CYB561: variants seen among roughly 807,000 people sequenced by gnomAD.
The protein encoded by CYB561 is transmembrane ascorbate-dependent reductase CYB561.
In CYB561, 11 loss-of-function variants were observed where a neutral mutation model predicts 25.3. That is an observed-to-expected ratio of 0.44 (90% CI 0.27 to 0.72). The LOEUF is 0.72. Among genes scored for constraint, CYB561 ranks in the 30% least tolerant of loss-of-function variants. The pLI is 0.18. For synonymous variants in CYB561, 165 were observed against 158.8 expected, an observed-to-expected ratio of 1.04 and a Z score of -0.29; for missense variants, 295 against 334.9, an observed-to-expected ratio of 0.88 and a Z score of 0.93.
At position 63,434,213 on chromosome 17, in the gene CYB561, T is replaced by C. The variant is rs147064886; in HGVS notation, c.*189A>G. On this transcript the variant is annotated 3_prime_UTR_variant, in exon 6 of 6. Transcript: ENST00000360793. ...GAGCCACACACAATGAACTGGTCTA[T>C]AGCAGCGGAGAAAGGAGAAGCAGAG... is the stretch of plus-strand genomic sequence containing the variant. 6.0e-5 allele frequency: 36 copies of C among 598,482 alleles called. No homozygotes were observed. The East Asian group carries it at 9.4e-4, about 16-fold the overall frequency. 37.1% of individuals were successfully genotyped at this position (598,482 alleles called of 1,614,324 possible).
chr17:63,438,512 C>T (rs749064720), intron 1 of CYB561, among the ~76,000 whole-genome samples: 5 of 142,878 alleles, frequency 3.5e-5, no homozygotes, highest in Non-Finnish European at 7.6e-5. Context: ...AGTAGAAGTG[C>T]CCCGACCATG....
chr17:63,434,743 C>T, intron 5 of CYB561, 149 bp from the exon 6 acceptor site: 1 of 682,288 alleles, frequency 1.5e-6, no homozygotes, highest in Non-Finnish European at 2.4e-6. Flanking sequence ...CATCCCCCCG[C>T]CCCCAACCAG....
At chr17:63,443,493 T>A (rs2049396212) in intron 1 of CYB561, among the ~76,000 whole-genome samples, 1 of 152,150 alleles carries the variant, frequency 6.6e-6, no homozygotes, top group Admixed American at 6.5e-5. Flanking sequence ...AACACTGAGC[T>A]CCTTTCTCCC....
intron 2 of CYB561, 141 bp downstream of exon 2, chr17:63,437,205 G>A: frequency 1.4e-6 from 1 of 703,216 alleles, no homozygotes; most frequent in Non-Finnish European, 2.4e-6. Flanking sequence ...CCCAGGCTCT[G>A]AACCAGCTTC....
chr17:63,435,278 C>T (rs201695420), intron 4 of CYB561, 35 bp from the exon 5 acceptor site: 32 of 1,602,678 alleles, frequency 2.0e-5, no homozygotes, highest in African/African-American at 1.9e-4. Flanking sequence ...CGGGACAGGG[C>T]GGCCGGACAC....
intron 1 of CYB561, among the ~76,000 whole-genome samples, chr17:63,444,874 G>A (rs1164637981): frequency 1.3e-5 from 2 of 152,188 alleles, no homozygotes; most frequent in African/African-American, 4.8e-5. Context: ...AGTGGTGAGG[G>A]CAGAAAAGTA....
intron 1 of CYB561, chr17:63,438,402 A>T: frequency 1.8e-6 from 1 of 553,808 alleles, no homozygotes; most frequent in South Asian, 2.1e-5. Flanking sequence ...CATGCTGGCG[A>T]TGAGGAGGCC....
At chr17:63,445,450 A>AT (rs1302785011) in intron 1 of CYB561, among the ~76,000 whole-genome samples, 1 of 147,712 alleles carries the variant, frequency 6.8e-6, no homozygotes, top group East Asian at 2.0e-4. Context: ...ATGTAACTTC[A>AT]TTTACGGAGT....
chr17:63,434,399 G>T lies in CYB561; in HGVS notation c.*3C>A. 6.4e-7 allele frequency: 1 copy of T among 1,552,540 alleles called. No individual in the cohort carries two copies. ...CGCGAACCCCCAGGGCCGGCCGGGC[G>T]CATCACTGGGAGCCGGGGCTATCTC... is the stretch of plus-strand genomic sequence containing the variant. On this transcript the variant is annotated 3_prime_UTR_variant, in exon 6 of 6. Coordinates refer to ENST00000360793, the MANE Select transcript of CYB561 (RefSeq NM_001915.4).
intron 3 of CYB561, 66 bp from the exon 4 acceptor site, chr17:63,435,857 A>G (rs1599115976): frequency 1.3e-6 from 2 of 1,588,298 alleles, no homozygotes; most frequent in East Asian, 4.5e-5. Flanking sequence ...AAGATGACCC[A>G]GGGGAACCAG....
intron 1 of CYB561, chr17:63,442,951 G>C (rs1374955989): frequency 2.0e-5 from 3 of 152,398 alleles, no homozygotes; most frequent in African/African-American, 7.2e-5. Context: ...CTCGGGGGCG[G>C]AAGGCGGAGC....
At chr17:63,445,701 A>C (rs2049416805) in intron 1 of CYB561, among the ~76,000 whole-genome samples, 1 of 152,150 alleles carries the variant, frequency 6.6e-6, no homozygotes, top group South Asian at 2.1e-4. Flanking sequence ...CACCGAGGCC[A>C]CCGAAGCCAT....
In CYB561 at chr17:63,433,826, C is replaced by T. The variant is rs1485162386; in HGVS notation, c.*576G>A. The T allele has an allele frequency of 5.7e-6, 1 of 175,136 alleles. No individual in the cohort carries two copies. The highest frequency in any genetic ancestry group is 6.3e-5 in the Admixed American group (1 of 15,900). The allele number at this position is 175,136 out of a possible 1,614,324, so 10.8% of individuals were successfully genotyped here. A position where few individuals can be genotyped will look rare whatever the true frequency, so the allele number is the denominator to read the frequency against. On this transcript the variant is annotated 3_prime_UTR_variant, in exon 6 of 6. Transcript: ENST00000360793. ...AGGAAGGTCAGGACTACAGCTGGGC[C>T]ACAGCCTCATCTCAGAGCTTCCCAG...
chr17:63,440,028 C>G (rs1318973109), intron 1 of CYB561, among the ~76,000 whole-genome samples: 1 of 152,170 alleles, frequency 6.6e-6, no homozygotes, highest in Admixed American at 6.5e-5. Context: ...ATCCACATTC[C>G]CAGGGTGGAC....
At chr17:63,437,997 G>T in intron 1 of CYB561, 2 of 166,902 alleles carry the variant, frequency 1.2e-5, no homozygotes, top group Non-Finnish European at 1.7e-5. Context: ...CGAGGCTCCC[G>T]CTGGAAGCAG....
intron 1 of CYB561, chr17:63,438,143 T>C: frequency 6.5e-7 from 1 of 1,534,876 alleles, no homozygotes; most frequent in Non-Finnish European, 8.7e-7. Flanking sequence ...CGCCAGGAGT[T>C]CCATATGCGG....
rs2147491592 is a variant in CYB561 at position 63,436,334 on chromosome 17, T to C, written c.203-182A>G. Among the ~76,000 whole-genome samples the C allele has an allele frequency of 6.6e-6, 1 of 152,124 alleles. No homozygotes were observed. Among genetic ancestry groups the C allele is most frequent in the East Asian group, 1.9e-4 (1 of 5,172 alleles). ...GGGGACCCTGGGCAGCTCCTGGCCT[T>C]CTCTGAGGGCACCTAGGGCTGTGTG... On this transcript the variant is annotated intron_variant, in intron 2 of 5. Transcript: ENST00000360793. The surrounding 1 kb of genome is among the most constrained non-coding windows in gnomAD (Gnocchi z 4.8).
chr17:63,437,907 C>T, intron 1 of CYB561: 4 of 508,618 alleles, frequency 7.9e-6, no homozygotes, highest in Non-Finnish European at 1.3e-5. Flanking sequence ...GCATGTCCCC[C>T]CCACGGATGC....
chr17:63,437,999 T>G (rs2049331105), intron 1 of CYB561: 5 of 325,268 alleles, frequency 1.5e-5, no homozygotes, highest in Non-Finnish European at 1.7e-5. Context: ...AGGCTCCCGC[T>G]GGAAGCAGCG....
Sources: gnomAD v4.1 joint callset for allele counts (sites outside exome capture counted in the v4.1 genomes callset) on GRCh38, gnomAD v4.1.1 for gene constraint, Gnocchi (gnomAD v3.1) non-coding constraint, MANE v1.5 for transcripts, NCBI Gene and HGNC (gene_info 2026-07-23, HGNC 2026-07-21) for gene names.